PLPP3: variants seen among roughly 807,000 people sequenced by gnomAD.
PLPP3 encodes the protein phospholipid phosphatase 3.
Under a neutral mutation model 29.6 loss-of-function variants are expected in PLPP3, and 6 were observed. The ratio of observed to expected loss-of-function variants is 0.20; its 90% CI spans 0.11 to 0.40. The LOEUF (loss-of-function observed/expected upper bound fraction) is 0.40. Among genes scored for constraint, PLPP3 ranks in the 10% least tolerant of loss-of-function variants. The pLI, the probability that PLPP3 is intolerant of heterozygous loss-of-function variation, is 1.00. For missense variants in PLPP3, 308 were observed against 407.7 expected (o/e 0.76, Z 2.11); for synonymous variants, 152 against 159.7 (o/e 0.95, Z 0.36).
chr1:56,503,536 A>C (rs1053494169), intron 5 of PLPP3, among the ~76,000 whole-genome samples: 5 of 152,152 alleles, frequency 3.3e-5, no homozygotes, highest in Non-Finnish European at 4.4e-5. Flanking sequence ...TAAAAATACA[A>C]AAATTAGCTG....
chr1:56,506,008 T>C (rs1645699761), intron 5 of PLPP3, among the ~76,000 whole-genome samples: 1 of 152,288 alleles, frequency 6.6e-6, no homozygotes, highest in Admixed American at 6.5e-5. Flanking sequence ...GGGCCAGCAG[T>C]GGCAAGATCA....
intron 1 of PLPP3, among the ~76,000 whole-genome samples, chr1:56,558,715 A>T (rs1198355956): frequency 6.6e-6 from 1 of 152,204 alleles, no homozygotes; most frequent in Non-Finnish European, 1.5e-5. Flanking sequence ...CCAGGTTATA[A>T]GCTACCAAGT....
chr1:56,524,609 G>A lies in PLPP3; in HGVS notation c.298-55C>T. The stretch of plus-strand genomic sequence containing the variant: ...AGTATCAAGATTCATCATCAACACT[G>A]ATGCCGTAACGGATATTCAACAACA... On this transcript the variant is annotated intron_variant, in intron 2 of 5. Transcript: ENST00000371250. This position sits in a 1 kb window ranked among gnomAD's most constrained non-coding sequence, Gnocchi z 4.3. The A allele has an allele frequency of 6.4e-7, 1 of 1,556,742 alleles. No individual in the cohort carries two copies. Among genetic ancestry groups the A allele is most frequent in the South Asian group, 1.1e-5 (1 of 87,408 alleles).
At chr1:56,560,228 G>T (rs908035287) in intron 1 of PLPP3, among the ~76,000 whole-genome samples, 10 of 152,096 alleles carry the variant, frequency 6.6e-5, no homozygotes, top group Admixed American at 5.2e-4. Context: ...TGCATTAAAG[G>T]TGCTCAATGC....
intron 5 of PLPP3, among the ~76,000 whole-genome samples, chr1:56,499,990 C>T (rs1036985170): frequency 6.6e-6 from 1 of 152,228 alleles, no homozygotes; most frequent in African/African-American, 2.4e-5. Context: ...TGAAAGGACA[C>T]ACTGGACAAT....
chr1:56,506,343 C>T (rs185384151), intron 5 of PLPP3, among the ~76,000 whole-genome samples: 2 of 152,298 alleles, frequency 1.3e-5, no homozygotes, highest in East Asian at 3.9e-4. Context: ...TCGCTGAACT[C>T]TTCTTCACAC....
chr1:56,563,629 G>A (rs17114115), intron 1 of PLPP3, among the ~76,000 whole-genome samples: 3,545 of 152,252 alleles, frequency 0.023, 98 homozygotes, highest in East Asian at 0.13. Flanking sequence ...GCAGATTCTA[G>A]CAGAGCATTT....
Position 56,524,231 on chromosome 1 carries a change from G to A in PLPP3, c.575+46C>T, listed in dbSNP as rs1193745781. The A allele has an allele frequency of 3.1e-6, 5 of 1,607,100 alleles. No individual in the cohort carries two copies. The African/African-American group carries it at 6.7e-5, about 22-fold the overall frequency. On this transcript the variant is annotated intron_variant, in intron 3 of 5. Coordinates refer to ENST00000371250, the MANE Select transcript of PLPP3 (RefSeq NM_003713.5). This position sits in a 1 kb window ranked among gnomAD's most constrained non-coding sequence, Gnocchi z 4.3. ...TAGTAAGTGCTCACTGAACTGCACT[G>A]TATGAAAGGGGTCCAGGCTCTGGCC...
At chr1:56,555,433 T>TAAAAAAGAAAAAAAAAAAAAAAA (rs1646068395) in intron 1 of PLPP3, among the ~76,000 whole-genome samples, 1 of 33,216 alleles carries the variant, frequency 3.0e-5, no homozygotes, top group Non-Finnish European at 5.4e-5. Context: ...GGCCAAACAC[T>TAAAAAAGAAAAAAAAAAAAAAAA]AAAAAAAAAA....
chr1:56,498,407 G>T (rs1391232668), intron 5 of PLPP3, among the ~76,000 whole-genome samples: 1 of 152,134 alleles, frequency 6.6e-6, no homozygotes, highest in Non-Finnish European at 1.5e-5. Flanking sequence ...TCAATGAGAA[G>T]ATAATTAAAC....
chr1:56,557,648 T>TTA (rs896089247), intron 1 of PLPP3, among the ~76,000 whole-genome samples: 1 of 152,124 alleles, frequency 6.6e-6, no homozygotes, highest in African/African-American at 2.4e-5. Context: ...ACTAGAATGG[T>TTA]TATGTGTATG....
intron 1 of PLPP3, among the ~76,000 whole-genome samples, chr1:56,554,305 G>T (rs12137700): frequency 0.091 from 13,859 of 152,124 alleles, 796 homozygotes; most frequent in South Asian, 0.18. Flanking sequence ...GGGCGCGGTG[G>T]CTGACGCCTG....
intron 2 of PLPP3, among the ~76,000 whole-genome samples, chr1:56,536,428 CT>C (rs1316360008): frequency 2.6e-5 from 4 of 152,138 alleles, no homozygotes; most frequent in Non-Finnish European, 5.9e-5. Flanking sequence ...TCCCTTCCCC[CT>C]CCCCAAATTC....
At chr1:56,533,758 CA>C (rs1645906431) in intron 2 of PLPP3, among the ~76,000 whole-genome samples, 2 of 152,180 alleles carry the variant, frequency 1.3e-5, no homozygotes. Context: ...CCGTTGTGAC[CA>C]ATTTATAGAA....
Position 56,537,042 on chromosome 1 carries a change from A to T in PLPP3, c.210T>A (p.Asp70Glu). 1 of 1,613,618 alleles carries T rather than the reference A, an allele frequency of 6.2e-7. No homozygotes were observed. Among genetic ancestry groups the T allele is most frequent in the Non-Finnish European group, 8.5e-7 (1 of 1,179,698 alleles). Reference sequence around the variant, plus strand: ...TTTTCAGTGGGTACTTGATGCTCTCATCATTGCAGTAAAACCCTCGGTGGT... The same window carrying T: ...TTTTCAGTGGGTACTTGATGCTCTCTTCATTGCAGTAAAACCCTCGGTGGT... ...KPYHRGFYCN[D>E]ESIKYPLKTG... is the part of the protein sequence containing the mutation. The change falls in exon 2 of 6, where the codon GAT becomes GAA. Residue 70 changes from aspartate (D) to glutamate (E), a missense_variant. Around this residue, in one of 3 missense-constraint regions of PLPP3, gnomAD observed 232 missense variants for 317.2 expected, o/e 0.73. Coordinates refer to ENST00000371250, the MANE Select transcript of PLPP3 (RefSeq NM_003713.5).
At chr1:56,537,334 C>G (rs1490126274) in intron 1 of PLPP3, among the ~76,000 whole-genome samples, 5 of 152,090 alleles carry the variant, frequency 3.3e-5, no homozygotes, top group African/African-American at 7.2e-5. Context: ...AGGCATTATC[C>G]TCTTCTCTTC....
At chr1:56,539,692 G>T (rs1016390715) in intron 1 of PLPP3, among the ~76,000 whole-genome samples, 1 of 152,154 alleles carries the variant, frequency 6.6e-6, no homozygotes, top group Admixed American at 6.6e-5. Context: ...GTGGATAAAC[G>T]TTCTGGCTTA....
chr1:56,549,958 T>C (rs1425879665), intron 1 of PLPP3, among the ~76,000 whole-genome samples: 2 of 152,208 alleles, frequency 1.3e-5, no homozygotes, highest in Admixed American at 6.5e-5. Context: ...CAATAATCCT[T>C]TCCGGGTAAG....
At chr1:56,555,002 G>A (rs1203020599) in intron 1 of PLPP3, among the ~76,000 whole-genome samples, 3 of 152,096 alleles carry the variant, frequency 2.0e-5, no homozygotes, top group African/African-American at 7.2e-5. Flanking sequence ...CACAGACTTA[G>A]GAGCAATGGG....
Sources: gnomAD v4.1 joint callset for allele counts (sites outside exome capture counted in the v4.1 genomes callset) on GRCh38, gnomAD v4.1.1 for gene constraint, gnomAD v4.1.1 regional missense constraint, Gnocchi (gnomAD v3.1) non-coding constraint, MANE v1.5 for transcripts, NCBI Gene and HGNC (gene_info 2026-07-23, HGNC 2026-07-21) for gene names.